Variants in ELF1 observed in about 807,000 individuals in gnomAD.
ELF1 encodes the protein ETS-related transcription factor Elf-1.
A neutral mutation model predicts 59.9 loss-of-function variants in ELF1; 24 were observed. That is an observed-to-expected ratio of 0.40 (90% CI 0.29 to 0.56). The LOEUF is 0.56. Among genes scored for constraint, ELF1 ranks in the 20% least tolerant of loss-of-function variants. The pLI is 0.44. For missense variants in ELF1, 627 were observed against 742.2 expected (o/e 0.84, Z 1.80); for synonymous variants, 248 against 266.2 (o/e 0.93, Z 0.67).
intron 1 of ELF1, among the ~76,000 whole-genome samples, chr13:41,011,179 A>G (rs1875041047): frequency 6.6e-6 from 1 of 152,230 alleles, no homozygotes; most frequent in South Asian, 2.1e-4. Flanking sequence ...AAGTTCATGG[A>G]TGTTAATACT....
At chr13:40,988,588 A>G (rs1873676712) in intron 1 of ELF1, among the ~76,000 whole-genome samples, 1 of 152,176 alleles carries the variant, frequency 6.6e-6, no homozygotes, top group Non-Finnish European at 1.5e-5. Context: ...ACTGGTGCAG[A>G]GGGTTTGTAG....
intron 1 of ELF1, among the ~76,000 whole-genome samples, chr13:41,025,391 C>A (rs549307644): frequency 1.3e-5 from 2 of 152,266 alleles, no homozygotes; most frequent in Admixed American, 1.3e-4. Flanking sequence ...AACTGGTTAT[C>A]GCAGAACTGA....
At chr13:40,939,260 C>T (rs1052500427) in intron 8 of ELF1, among the ~76,000 whole-genome samples, 9 of 152,088 alleles carry the variant, frequency 5.9e-5, no homozygotes, top group African/African-American at 2.2e-4. Flanking sequence ...ATGCAGTGAG[C>T]TATGATGGTG....
intron 1 of ELF1, among the ~76,000 whole-genome samples, chr13:41,042,291 GCTTTTT>G (rs1876644984): frequency 6.6e-6 from 1 of 151,008 alleles, no homozygotes; most frequent in Non-Finnish European, 1.5e-5. Context: ...TGGGGTTACA[GCTTTTT>G]CTTTTTCTTT....
intron 1 of ELF1, among the ~76,000 whole-genome samples, chr13:41,055,402 C>T (rs190593066): frequency 2.0e-5 from 3 of 151,588 alleles, no homozygotes; most frequent in Admixed American, 6.6e-5. Context: ...CCTGTCTCTA[C>T]CAGCAAAAGC....
chr13:40,943,605 T>C (rs572526309), intron 6 of ELF1, among the ~76,000 whole-genome samples: 1 of 152,228 alleles, frequency 6.6e-6, no homozygotes, highest in Non-Finnish European at 1.5e-5. Context: ...TCCAAGAGTC[T>C]CTTTATTAAA....
chr13:41,025,820 T>C (rs929688369), intron 1 of ELF1, among the ~76,000 whole-genome samples: 4 of 152,200 alleles, frequency 2.6e-5, no homozygotes, highest in African/African-American at 9.7e-5. Context: ...GTGACTCCGA[T>C]TGCAGCTGCT....
At chr13:40,982,317 G>A in intron 1 of ELF1, 35 bp from the exon 2 acceptor site, 2 of 1,200,002 alleles carry the variant, frequency 1.7e-6, no homozygotes, top group South Asian at 3.2e-5. Context: ...TTATGAAAAA[G>A]CAATCACCCA....
rs202176766 is a variant in ELF1, at chr13:40,949,587, TCAAA to T, written c.529+215_529+218del. ...CCAGGCTGGTCTCAAACTCCTGGCC[TCAAA>T]CAATCTTCCTGCCTCGGCCTCCTAA... On this transcript the variant is annotated intron_variant, in intron 5 of 8. Coordinates refer to ENST00000239882, the MANE Select transcript of ELF1 (RefSeq NM_172373.4). Among the ~76,000 whole-genome samples the T allele has an allele frequency of 2.7e-3, 406 of 152,250 alleles. 6 individuals are homozygous for T. In the East Asian group the frequency reaches 0.051, roughly 19 times the overall value.
chr13:40,955,839 A>G (rs1333131023), intron 3 of ELF1, among the ~76,000 whole-genome samples: 16 of 89,646 alleles, frequency 1.8e-4, no homozygotes, highest in African/African-American at 4.6e-4. Context: ...CTGCCCGGCC[A>G]CCCCTACTGG....
chr13:41,027,013 C>T (rs1875965521), intron 1 of ELF1, among the ~76,000 whole-genome samples: 1 of 152,190 alleles, frequency 6.6e-6, no homozygotes, highest in African/African-American at 2.4e-5. Context: ...AGCCCTTTTT[C>T]TGGAACATCC....
intron 1 of ELF1, among the ~76,000 whole-genome samples, chr13:41,055,991 C>T (rs1748423500): frequency 6.6e-6 from 1 of 151,988 alleles, no homozygotes; most frequent in Non-Finnish European, 1.5e-5. Context: ...TTGCTTCAAT[C>T]CCTTTTAAGA....
exon 1 of ELF1, chr13:41,061,065 A>G (rs757379249): frequency 3.1e-5 from 6 of 193,910 alleles, no homozygotes; most frequent in Admixed American, 1.8e-4. Flanking sequence ...GGCGAAGCCT[A>G]GCGACTCGCA....
intron 4 of ELF1, 38 bp from the exon 5 acceptor site, chr13:40,950,011 G>T: frequency 6.7e-7 from 1 of 1,487,148 alleles, no homozygotes; most frequent in Non-Finnish European, 9.0e-7. Context: ...AGTCCACTGT[G>T]TATTATAAGT....
At chr13:40,978,958 T>C (rs1272592932) in intron 2 of ELF1, among the ~76,000 whole-genome samples, 4 of 151,914 alleles carry the variant, frequency 2.6e-5, no homozygotes, top group Admixed American at 6.6e-5. Context: ...TAGGTGAGGC[T>C]GAGATTTGAG....
chr13:41,000,897 A>T (rs1304157307), intron 1 of ELF1, among the ~76,000 whole-genome samples: 1 of 152,202 alleles, frequency 6.6e-6, no homozygotes, highest in Non-Finnish European at 1.5e-5. Flanking sequence ...AAATAATTAG[A>T]TACAACGCAA....
intron 5 of ELF1, among the ~76,000 whole-genome samples, chr13:40,947,034 G>A (rs115339018): frequency 0.01 from 1,511 of 150,868 alleles, 29 homozygotes; most frequent in African/African-American, 0.035. Context: ...TGTACCAATC[G>A]TATATTGTTT....
intron 1 of ELF1, among the ~76,000 whole-genome samples, chr13:41,039,804 T>C (rs1308926006): frequency 6.6e-6 from 1 of 152,226 alleles, no homozygotes; most frequent in Non-Finnish European, 1.5e-5. Context: ...TCAACTTTGC[T>C]GTGTGTTTTA....
At chr13:41,009,702 A>T (rs1156904783) in intron 1 of ELF1, among the ~76,000 whole-genome samples, 1 of 152,192 alleles carries the variant, frequency 6.6e-6, no homozygotes, top group Middle Eastern at 3.2e-3. Context: ...GGGCTAGGAG[A>T]CACAAGTAAA....
Sources: allele counts gnomAD v4.1 joint callset (sites outside exome capture counted in the v4.1 genomes callset), GRCh38; gene constraint gnomAD v4.1.1; transcripts MANE v1.5; gene names NCBI Gene and HGNC (gene_info 2026-07-23, HGNC 2026-07-21).